Variants in HEATR1 observed in about 807,000 individuals in gnomAD.
HEATR1 encodes HEAT repeat containing 1, also known as HEAT repeat-containing protein 1.
Under a neutral mutation model 248.2 loss-of-function variants are expected in HEATR1, and 77 were observed. The observed-to-expected ratio is 0.31, with a 90% CI of 0.26 to 0.37. HEATR1 has a LOEUF of 0.37. Among genes scored for constraint, HEATR1 ranks in the 10% least tolerant of loss-of-function variants. The pLI is 1.00. For synonymous variants in HEATR1, 897 were observed against 923.1 expected, an observed-to-expected ratio of 0.97 and a Z score of 0.51; for missense variants, 2,420 against 2,504.9, an observed-to-expected ratio of 0.97 and a Z score of 0.72.
At chr1:236,579,857 T>A (rs1310504461) in intron 20 of HEATR1, among the ~76,000 whole-genome samples, 1 of 152,076 alleles carries the variant, frequency 6.6e-6, no homozygotes, top group Non-Finnish European at 1.5e-5. Flanking sequence ...CACTGAGGAA[T>A]TGTTCAGGGA....
At chr1:236,599,403 C>A (rs1396373914) in intron 4 of HEATR1, 80 bp downstream of exon 4, 2 of 1,207,872 alleles carry the variant, frequency 1.7e-6, no homozygotes, top group African/African-American at 3.0e-5. Context: ...TCCCCAGGAG[C>A]AATGACTTAT....
At chr1:236,574,626 A>G (rs199953645) in intron 23 of HEATR1, 35 bp downstream of exon 23, 91 of 1,582,816 alleles carry the variant, frequency 5.7e-5, no homozygotes, top group Non-Finnish European at 7.6e-5. Context: ...ATGCTTGAAC[A>G]TGCTATGCCT....
intron 19 of HEATR1, among the ~76,000 whole-genome samples, chr1:236,582,254 G>A (rs912722069): frequency 2.6e-5 from 4 of 151,304 alleles, no homozygotes; most frequent in Non-Finnish European, 2.9e-5. Flanking sequence ...TCAGGAGCCC[G>A]CCACCACACC....
intron 4 of HEATR1, 64 bp downstream of exon 4, chr1:236,599,419 C>T: frequency 1.4e-6 from 2 of 1,403,958 alleles, no homozygotes; most frequent in Admixed American, 2.2e-5. Flanking sequence ...CTTATTTTTT[C>T]CTAATTAAAT....
At chr1:236,581,786 G>C (rs1663752654) in intron 19 of HEATR1, among the ~76,000 whole-genome samples, 1 of 152,210 alleles carries the variant, frequency 6.6e-6, no homozygotes, top group African/African-American at 2.4e-5. Context: ...TGGCAACATG[G>C]AGGTCACTGG....
At chr1:236,561,096 G>A in intron 33 of HEATR1, 129 bp downstream of exon 33, 2 of 705,954 alleles carry the variant, frequency 2.8e-6, no homozygotes. Context: ...GGCAAATGTG[G>A]CAGAAAGTAT....
chr1:236,575,666 TGATG>T, intron 22 of HEATR1, among the ~76,000 whole-genome samples: 1 of 152,344 alleles, frequency 6.6e-6, no homozygotes, highest in South Asian at 2.1e-4. Flanking sequence ...AGTCTAGGAC[TGATG>T]AAGCACACAG....
At chr1:236,580,661 C>T (rs557170152) in intron 20 of HEATR1, among the ~76,000 whole-genome samples, 2 of 151,844 alleles carry the variant, frequency 1.3e-5, no homozygotes, top group East Asian at 3.9e-4. Flanking sequence ...GGACTACAGG[C>T]ACGCACCATC....
chr1:236,562,672 T>C (rs981349799), intron 32 of HEATR1, among the ~76,000 whole-genome samples: 14 of 152,218 alleles, frequency 9.2e-5, no homozygotes, highest in Non-Finnish European at 1.5e-4. Context: ...AATGATATAA[T>C]TGAAAAAGCA....
intron 20 of HEATR1, among the ~76,000 whole-genome samples, chr1:236,580,952 T>C (rs957660512): frequency 8.6e-5 from 13 of 151,042 alleles, no homozygotes; most frequent in Non-Finnish European, 1.9e-4. Context: ...CCCAAGTAGC[T>C]GGGATTACAG....
Position 236,550,590 on chromosome 1 carries a change from G to A in HEATR1, c.*312C>T, listed in dbSNP as rs966106770. 2.6e-5 allele frequency: 7 copies of A among 268,082 alleles called. No individual in the cohort carries two copies. The highest frequency in any genetic ancestry group is 7.3e-5 in the East Asian group (1 of 13,678). The allele number at this position is 268,082 out of a possible 1,614,324, so 16.6% of individuals were successfully genotyped here. On this transcript the variant is annotated 3_prime_UTR_variant, in exon 45 of 45. Coordinates refer to ENST00000366582, the MANE Select transcript of HEATR1 (RefSeq NM_018072.6). ...TGCAAATGAGGCGTCAGCTTTGGGT[G>A]CTAAAATTAACAAGTCTAATATTAT... is the stretch of plus-strand genomic sequence containing the variant.
intron 43 of HEATR1, 57 bp downstream of exon 43, chr1:236,553,524 T>G (rs1662845810): frequency 1.3e-6 from 2 of 1,540,946 alleles, no homozygotes; most frequent in Non-Finnish European, 1.8e-6. Context: ...ACCTGCAGGC[T>G]GTTTAGGCTA....
At chr1:236,562,099 A>G (rs1289609435) in intron 32 of HEATR1, among the ~76,000 whole-genome samples, 2 of 152,212 alleles carry the variant, frequency 1.3e-5, no homozygotes, top group African/African-American at 4.8e-5. Context: ...AACGACTTCA[A>G]CAGTTTTGCC....
At chr1:236,565,362 G>T (rs557938351) in intron 31 of HEATR1, among the ~76,000 whole-genome samples, 96 of 152,210 alleles carry the variant, frequency 6.3e-4, no homozygotes, top group Non-Finnish European at 9.7e-4. Context: ...TTACTATGTT[G>T]CTCAGGCTGG....
Position 236,571,965 on chromosome 1 carries a change from T to C in HEATR1, c.3708-279A>G, listed in dbSNP as rs545100610. The stretch of plus-strand genomic sequence containing the variant: ...TACAGGACAACCTTCAGAATTACTT[T>C]GCCTTTCACATGAAAGCACACGCTA... On this transcript the variant is annotated intron_variant, in intron 26 of 44. Coordinates refer to ENST00000366582, the MANE Select transcript of HEATR1 (RefSeq NM_018072.6). Among the ~76,000 whole-genome samples, 5 of 152,294 alleles carry C rather than the reference T, an allele frequency of 3.3e-5. No individual in the cohort carries two copies. In the East Asian group the frequency reaches 9.6e-4, roughly 29 times the overall value.
At chr1:236,575,027 G>T in intron 22 of HEATR1, 124 bp from the exon 23 acceptor site, 1 of 849,966 alleles carries the variant, frequency 1.2e-6, no homozygotes, top group South Asian at 1.9e-5. Context: ...ACCCAATGAT[G>T]GTAACTTCTT....
At chr1:236,596,997 A>G in intron 5 of HEATR1, 21 bp from the exon 6 acceptor site, 2 of 1,607,816 alleles carry the variant, frequency 1.2e-6, no homozygotes, top group Non-Finnish European at 1.7e-6. Context: ...GAACACAAAC[A>G]AAACACATTT....
chr1:236,556,636 G>GT (rs929481185), intron 37 of HEATR1, among the ~76,000 whole-genome samples: 5 of 152,214 alleles, frequency 3.3e-5, no homozygotes, highest in African/African-American at 4.8e-5. Flanking sequence ...TGGCTGTGGT[G>GT]TAAGTGAAGC....
At chr1:236,600,538 G>T (rs977557184) in intron 3 of HEATR1, among the ~76,000 whole-genome samples, 4 of 148,812 alleles carry the variant, frequency 2.7e-5, no homozygotes, top group African/African-American at 7.5e-5. Context: ...CCTTTTATTA[G>T]ATTTTTTTTT....
Sources: gnomAD v4.1 joint callset for allele counts (sites outside exome capture counted in the v4.1 genomes callset) on GRCh38, gnomAD v4.1.1 for gene constraint, MANE v1.5 for transcripts, NCBI Gene and HGNC (gene_info 2026-07-23, HGNC 2026-07-21) for gene names.